AGAP1: variants seen among roughly 807,000 people sequenced by gnomAD.
AGAP1 encodes the protein ArfGAP with GTPase domain, ankyrin repeat and PH domain 1.
In AGAP1, 29 loss-of-function variants were observed where a neutral mutation model predicts 105.3. The ratio of observed to expected loss-of-function variants is 0.28; its 90% confidence interval spans 0.21 to 0.38. The LOEUF (loss-of-function observed/expected upper bound fraction) is 0.38, where lower values mean the gene tolerates loss of function less well. Among genes scored for constraint, AGAP1 ranks in the 10% least tolerant of loss-of-function variants. AGAP1 has a pLI of 1.00. For missense variants in AGAP1, 998 were observed against 1,165.1 expected (o/e 0.86, Z 2.09); for synonymous variants, 509 against 485.9 (o/e 1.05, Z -0.63).
chr2:235,685,383 C>T (rs1388258906), intron 1 of AGAP1, among the ~76,000 whole-genome samples: 1 of 151,752 alleles, frequency 6.6e-6, no homozygotes, highest in African/African-American at 2.4e-5. Flanking sequence ...TGATCCCCCT[C>T]CTGTGTGGCT....
Position 235,919,463 on chromosome 2 carries a change from T to A in AGAP1, c.1324+10557T>A, listed in dbSNP as rs191783590. On this transcript the variant is annotated intron_variant, in intron 11 of 17. Coordinates refer to ENST00000304032, the MANE Select transcript of AGAP1 (RefSeq NM_001037131.3). This position sits in a 1 kb window ranked among gnomAD's most constrained non-coding sequence, Gnocchi z 4.1. Reference sequence around the variant, plus strand: ...AACCAGCAAACCTGTAAAACCCGCCTCATGTTATCAGACTTGTGAGCCCGG... The same window carrying A: ...AACCAGCAAACCTGTAAAACCCGCCACATGTTATCAGACTTGTGAGCCCGG... 1.9e-3 allele frequency among the ~76,000 whole-genome samples: 289 copies of A among 152,274 alleles called. No homozygotes were observed. Among genetic ancestry groups the A allele is most frequent in the African/African-American group, 6.2e-3 (256 of 41,556 alleles).
intron 9 of AGAP1, among the ~76,000 whole-genome samples, chr2:235,818,876 T>C (rs1213016691): frequency 6.6e-6 from 1 of 151,840 alleles, no homozygotes; most frequent in African/African-American, 2.4e-5. Context: ...GCCCGGCCCA[T>C]GGCCATCTTT....
At chr2:235,809,928 C>T (rs183391606) in intron 9 of AGAP1, among the ~76,000 whole-genome samples, 1 of 152,178 alleles carries the variant, frequency 6.6e-6, no homozygotes, top group Non-Finnish European at 1.5e-5. Context: ...CTCGACATTG[C>T]CACAGTTATG....
intron 16 of AGAP1, among the ~76,000 whole-genome samples, chr2:236,102,061 C>T (rs1019025291): frequency 1.3e-5 from 2 of 152,286 alleles, no homozygotes; most frequent in Admixed American, 1.3e-4. Flanking sequence ...GCAGGCAGAT[C>T]TCTTGAGGCC....
In AGAP1 at chr2:235,724,742, T is replaced by C. The variant is rs115600887; in HGVS notation, c.310+7098T>C. On this transcript the variant is annotated intron_variant, in intron 3 of 17. Transcript: ENST00000304032. The surrounding 1 kb of genome is among the most constrained non-coding windows in gnomAD (Gnocchi z 4.9). ...CCAGGTAAGGACCAGTGAGAAACAG[T>C]GGGTGAGATTAGGCTCGACAGTTCC... Among the ~76,000 whole-genome samples the C allele has an allele frequency of 0.011, 1,691 of 152,034 alleles. 38 individuals carry two copies. The highest frequency in any genetic ancestry group is 0.039 in the African/African-American group (1,613 of 41,460).
At chr2:236,026,941 A>G (rs545028229) in intron 13 of AGAP1, among the ~76,000 whole-genome samples, 1 of 152,166 alleles carries the variant, frequency 6.6e-6, no homozygotes, top group Admixed American at 6.5e-5. Context: ...TTTTTAGGAA[A>G]TGGAGGAAGA....
chr2:235,605,476 G>A (rs948388146), intron 1 of AGAP1, among the ~76,000 whole-genome samples: 6 of 152,256 alleles, frequency 3.9e-5, no homozygotes, highest in East Asian at 1.9e-4. Flanking sequence ...CCGGCTTGTC[G>A]TGCAGCACGG....
intron 9 of AGAP1, among the ~76,000 whole-genome samples, chr2:235,818,242 A>G (rs1958575368): frequency 6.6e-6 from 1 of 152,198 alleles, no homozygotes; most frequent in African/African-American, 2.4e-5. Context: ...CCAACCTAAG[A>G]TACAACTTGC....
chr2:235,912,017 G>A (rs1474637158), intron 11 of AGAP1, among the ~76,000 whole-genome samples: 2 of 152,224 alleles, frequency 1.3e-5, no homozygotes, highest in East Asian at 1.9e-4. Flanking sequence ...GCTGGTGTGC[G>A]GCAGGAGGGC....
intron 13 of AGAP1, among the ~76,000 whole-genome samples, chr2:236,019,447 G>A (rs756940460): frequency 1.3e-5 from 2 of 152,222 alleles, no homozygotes; most frequent in Non-Finnish European, 2.9e-5. Context: ...GATGTGACAG[G>A]AACCACAGTG....
intron 9 of AGAP1, among the ~76,000 whole-genome samples, chr2:235,870,378 G>C (rs1009462424): frequency 2.0e-5 from 3 of 152,206 alleles, no homozygotes; most frequent in Non-Finnish European, 4.4e-5. Flanking sequence ...TGTAATCCCA[G>C]CACTTTGGGA....
chr2:236,046,170 C>T lies in AGAP1; in HGVS notation c.1892-2889C>T. 2.6e-6 allele frequency: 1 copy of T among 386,738 alleles called. No homozygotes were observed. The highest frequency in any genetic ancestry group is 5.4e-6 in the Non-Finnish European group (1 of 185,522). 24.0% of individuals were successfully genotyped at this position (386,738 alleles called of 1,614,324 possible). On this transcript the variant is annotated intron_variant, in intron 15 of 17. Transcript: ENST00000304032. The surrounding 1 kb of genome is among the most constrained non-coding windows in gnomAD (Gnocchi z 5.2). ...TTCTGGTAAGAGCTTAGGCAAGTGG[C>T]TATGGGGATCCAGATGTGAGTGGAG... is the stretch of plus-strand genomic sequence containing the variant.
At chr2:235,853,460 A>G (rs967849216) in intron 9 of AGAP1, among the ~76,000 whole-genome samples, 1 of 152,240 alleles carries the variant, frequency 6.6e-6, no homozygotes, top group African/African-American at 2.4e-5. Context: ...GGGATGCGGC[A>G]GATAGGAAGA....
rs2060085128 is a variant in AGAP1 at position 236,131,593 on chromosome 2, C to T, written c.*7471C>T. 1 of 152,050 alleles carries T rather than the reference C, an allele frequency of 6.6e-6. No individual in the cohort carries two copies. Among genetic ancestry groups the T allele is most frequent in the South Asian group, 2.1e-4 (1 of 4,822 alleles). The allele number at this position is 152,050 out of a possible 1,614,324, so 9.4% of individuals were successfully genotyped here. On this transcript the variant is annotated 3_prime_UTR_variant, in exon 18 of 18. Coordinates refer to ENST00000304032, the MANE Select transcript of AGAP1 (RefSeq NM_001037131.3). The surrounding 1 kb of genome is among the most constrained non-coding windows in gnomAD (Gnocchi z 5.9). ...TTTGTACTGTAATTAAAACCATTGA[C>T]AGACATTTCACTTTGCTTGTTATTT... is the stretch of plus-strand genomic sequence containing the variant.
At chr2:235,607,690 A>G (rs1178977223) in intron 1 of AGAP1, among the ~76,000 whole-genome samples, 1 of 152,156 alleles carries the variant, frequency 6.6e-6, no homozygotes, top group Non-Finnish European at 1.5e-5. Context: ...AGGTCTCTGG[A>G]TTCCACTTTA....
Position 235,770,451 on chromosome 2 carries a change from A to G in AGAP1, c.673+19963A>G, listed in dbSNP as rs570675039. The stretch of plus-strand genomic sequence containing the variant: ...CGCCTGGCCTCTTTCTTTTTGAGAC[A>G]GAGTCTCACTCTGTCACCCAGGCCG... On this transcript the variant is annotated intron_variant, in intron 6 of 17. Coordinates refer to ENST00000304032, the MANE Select transcript of AGAP1 (RefSeq NM_001037131.3). Among the ~76,000 whole-genome samples, 17 of 152,040 alleles carry G rather than the reference A, an allele frequency of 1.1e-4. No individual in the cohort carries two copies. In the East Asian group the frequency reaches 3.1e-3, roughly 28 times the overall value.
At position 235,596,539 on chromosome 2, in the gene AGAP1, C is replaced by T. The variant is rs980643923; in HGVS notation, c.163+101690C>T. Among the ~76,000 whole-genome samples, 1 of 152,220 alleles carries T rather than the reference C, an allele frequency of 6.6e-6. No homozygotes were observed. The highest frequency in any genetic ancestry group is 2.4e-5 in the African/African-American group (1 of 41,466). ...CAGGTAGCACCCCGGCTGCTGGTCC[C>T]TGGTCTGGGGAAAGGCAGGCAGAGT... On this transcript the variant is annotated intron_variant, in intron 1 of 17. Transcript: ENST00000304032. The surrounding 1 kb of genome is among the most constrained non-coding windows in gnomAD (Gnocchi z 5.9).
rs192371895 is a variant in AGAP1 at position 235,970,643 on chromosome 2, C to G, written c.1645+2020C>G. On this transcript the variant is annotated intron_variant, in intron 13 of 17. Transcript: ENST00000304032. This position sits in a 1 kb window ranked among gnomAD's most constrained non-coding sequence, Gnocchi z 5.4. ...TATGCACAACCTGGTGGGAACTGAC[C>G]GTTGCCACTTAGATACACGTTCATT... 3.4e-4 allele frequency among the ~76,000 whole-genome samples: 52 copies of G among 152,192 alleles called. No individual in the cohort carries two copies. The highest frequency in any genetic ancestry group is 6.6e-4 in the Non-Finnish European group (45 of 68,032).
At chr2:235,778,218 C>T (rs1167527097) in intron 6 of AGAP1, among the ~76,000 whole-genome samples, 1 of 152,220 alleles carries the variant, frequency 6.6e-6, no homozygotes, top group Non-Finnish European at 1.5e-5. Context: ...TGTATTGGTT[C>T]ATGTACCTTG....
Sources: allele counts gnomAD v4.1 joint callset (sites outside exome capture counted in the v4.1 genomes callset), GRCh38; gene constraint gnomAD v4.1.1; non-coding constraint Gnocchi (gnomAD v3.1); transcripts MANE v1.5; gene names NCBI Gene and HGNC (gene_info 2026-07-23, HGNC 2026-07-21).